The following DSPP variants were observed in gnomAD, a reference collection of about 807,000 sequenced individuals.
The protein encoded by DSPP is deafness, autosomal dominant 39.
DSPP carries 28 observed loss-of-function variants against 29.1 expected under a neutral mutation model. The ratio of observed to expected loss-of-function variants is 0.96; its 90% CI spans 0.71 to 1.32. The LOEUF is 1.32. DSPP is among the 40% of genes most tolerant of loss of function. The pLI is 0.00. For synonymous variants in DSPP, 481 were observed against 503.4 expected (o/e 0.96, Z 0.60); for missense variants, 1,281 against 1,629.9 (o/e 0.79, Z 3.69).
chr4:87,611,150 C>G (rs1056597475), intron 2 of DSPP, among the ~76,000 whole-genome samples, 191 bp downstream of exon 2: 14 of 151,648 alleles, frequency 9.2e-5, no homozygotes, highest in Non-Finnish European at 1.8e-4. Context: ...TAGATTTGCA[C>G]TAAGGGCTTT....
rs2627699 is a variant in DSPP at position 87,610,648 on chromosome 4, C to T, written c.-28-233C>T. On this transcript the variant is annotated intron_variant, in intron 1 of 4. Transcript: ENST00000651931. Reference sequence around the variant, plus strand: ...GCTATGCCCTTTGTACCTATTATGGCGTTTTCCTTCATTGGCACAGGCAGA... The same window carrying T: ...GCTATGCCCTTTGTACCTATTATGGTGTTTTCCTTCATTGGCACAGGCAGA... Among the ~76,000 whole-genome samples the T allele has an allele frequency of 0.27, 40,575 of 151,986 alleles. 6,145 individuals are homozygous for T. Among genetic ancestry groups the T allele is most frequent in the East Asian group, 0.57 (2,938 of 5,160 alleles).
Position 87,616,493 on chromosome 4 carries a change from C to T in DSPP, c.3831C>T (p.Asn1277=), listed in dbSNP as rs549178538. The T allele has an allele frequency of 1.3e-5, 20 of 1,551,732 alleles. No homozygotes were observed. The highest frequency in any genetic ancestry group is 3.3e-4 in the Middle Eastern group (2 of 5,992). Residue 1277 remains asparagine, a synonymous_variant, in exon 5 of 5, where the codon AAC becomes AAT. Coordinates refer to ENST00000651931, the MANE Select transcript of DSPP (RefSeq NM_014208.3). ...DESDSQSKSG[N]GNNNGSDSDS... ...GTGACAGCCAGAGCAAGTCTGGTAACGGTAACAACAATGGAAGTGACAGTG... is the reference window on the plus strand; with the variant it reads ...GTGACAGCCAGAGCAAGTCTGGTAATGGTAACAACAATGGAAGTGACAGTG...
At position 87,615,075 on chromosome 4, in the gene DSPP, A is replaced by G. The variant is rs531760815; in HGVS notation, c.2413A>G (p.Asn805Asp). 99 of 1,550,048 alleles carry G rather than the reference A, an allele frequency of 6.4e-5. 1 individual carries two copies. The highest frequency in any genetic ancestry group is 3.4e-4 in the Middle Eastern group (2 of 5,964). ...TAGCAGCAACAGCAGTGATAGCAGC[A>G]ACAGCAGTGATAGCAGTGATAGCAG... ...SDSSNSSDSS[N>D]SSDSSDSSDS... is the part of the protein sequence containing the mutation. The change falls in exon 5 of 5, where the codon AAC becomes GAC. Residue 805 changes from asparagine (N) to aspartate (D), a missense_variant. By Grantham distance (23) the Asn-to-Asp change is conservative. Coordinates refer to ENST00000651931, the MANE Select transcript of DSPP (RefSeq NM_014208.3).
At chr4:87,611,516 T>G (rs1335743614) in intron 2 of DSPP, among the ~76,000 whole-genome samples, 1 of 152,040 alleles carries the variant, frequency 6.6e-6, no homozygotes, top group Non-Finnish European at 1.5e-5. Context: ...ATTGAGAAAA[T>G]TCAACCATTT....
Position 87,613,166 on chromosome 4 carries a change from A to C in DSPP, c.980A>C (p.Glu327Ala). 2 of 1,614,168 alleles carry C rather than the reference A, an allele frequency of 1.2e-6. No individual in the cohort carries two copies. The highest frequency in any genetic ancestry group is 1.7e-6 in the Non-Finnish European group (2 of 1,180,032). ...GGAGACAAGACCTCCAAGAGTGAGGAGAATTCTGCTGGTATTCCAGAAGAC... is the reference window on the plus strand; with the variant it reads ...GGAGACAAGACCTCCAAGAGTGAGGCGAATTCTGCTGGTATTCCAGAAGAC... ...VDGDKTSKSE[E>A]NSAGIPEDNG... The change falls in exon 4 of 5, where the codon GAG (glutamate) becomes GCG (alanine). Residue 327 changes from glutamate (E) to alanine (A), a missense_variant. By Grantham distance (107) the Glu-to-Ala change is moderately radical (BLOSUM62 -1). Coordinates refer to ENST00000651931, the MANE Select transcript of DSPP (RefSeq NM_014208.3).
intron 4 of DSPP, 83 bp from the exon 5 acceptor site, chr4:87,613,702 T>G: frequency 1.3e-6 from 2 of 1,596,838 alleles, no homozygotes; most frequent in Non-Finnish European, 1.7e-6. Flanking sequence ...ATGGCAACTT[T>G]TCCCAGTTAT....
rs1476610450 is a variant in DSPP at position 87,614,519 on chromosome 4, C to G, written c.1857C>G (p.Ser619Arg). Residue 619 changes from serine (S) to arginine (R), a missense_variant, in exon 5 of 5, where the codon AGC becomes AGG. Physicochemically the swap from Ser to Arg is moderately radical, Grantham distance 110. Coordinates refer to ENST00000651931, the MANE Select transcript of DSPP (RefSeq NM_014208.3). ...GTGACAGTAGTGATAGTAGTGACAG[C>G]AGTGACAGCAAGTCAGACAGCAGCA... ...DSSDSSDSSD[S>R]SDSKSDSSKS... 6.4e-7 allele frequency: 1 copy of G among 1,551,336 alleles called. No homozygotes were observed. The highest frequency in any genetic ancestry group is 8.7e-7 in the Non-Finnish European group (1 of 1,146,874).
Position 87,614,130 on chromosome 4 carries a change from G to A in DSPP, c.1468G>A (p.Asp490Asn). 2 of 1,614,216 alleles carry A rather than the reference G, an allele frequency of 1.2e-6. No individual in the cohort carries two copies. Among genetic ancestry groups the A allele is most frequent in the Non-Finnish European group, 1.7e-6 (2 of 1,180,050 alleles). The change falls in exon 5 of 5, where the codon GAT becomes AAT. Residue 490 changes from aspartate (D) to asparagine (N), a missense_variant. Around this residue, in one of 4 missense-constraint regions of DSPP, gnomAD observed 631 missense variants for 643.2 expected, o/e 0.98. Coordinates refer to ENST00000651931, the MANE Select transcript of DSPP (RefSeq NM_014208.3). ...TGACAATAACAGCAGTAGCCGAGGA[G>A]ATGCTTCTTATAACTCTGATGAATC... is the stretch of plus-strand genomic sequence containing the variant. ...ESDNNSSSRG[D>N]ASYNSDESKD...
At chr4:87,611,881 G>A (rs535581202) in intron 2 of DSPP, among the ~76,000 whole-genome samples, 3 of 152,296 alleles carry the variant, frequency 2.0e-5, no homozygotes, top group Non-Finnish European at 4.4e-5. Flanking sequence ...TAATACCACA[G>A]TGAAAAATAT....
At chr4:87,610,519 C>A (rs1727714051) in intron 1 of DSPP, among the ~76,000 whole-genome samples, 1 of 152,158 alleles carries the variant, frequency 6.6e-6, no homozygotes, top group South Asian at 2.1e-4. Context: ...AGTGTTTTAC[C>A]TTTGAAGCAC....
chr4:87,612,038 TGTGC>T (rs1483834789), intron 2 of DSPP, 63 bp from the exon 3 acceptor site: 17 of 1,076,250 alleles, frequency 1.6e-5, no homozygotes, highest in Non-Finnish European at 1.8e-5. Context: ...TGTGTGTGTG[TGTGC>T]ACGCTCACAC....
Position 87,614,825 on chromosome 4 carries a change from TAACAGCAGCGATAGTGACAGCAGC to T in DSPP, c.2178_2201del (p.Asp727_Ser734del), listed in dbSNP as rs1453991101. 1.9e-6 allele frequency: 3 copies of T among 1,549,472 alleles called. No homozygotes were observed. Among genetic ancestry groups the T allele is most frequent in the African/African-American group, 1.4e-5 (1 of 72,196 alleles). On this transcript the variant is annotated inframe_deletion, in exon 5 of 5. Coordinates refer to ENST00000651931, the MANE Select transcript of DSPP (RefSeq NM_014208.3). Reference sequence around the variant, plus strand: ...GTGATAGTAGTGACAGCAGTAATAGTAACAGCAGCGATAGTGACAGCAGCAACAGCAGCGATAGCAGTGACAGCA... The same window carrying T: ...GTGATAGTAGTGACAGCAGTAATAGTAACAGCAGCGATAGCAGTGACAGCA...
At chr4:87,611,166 A>T (rs1259316188) in intron 2 of DSPP, among the ~76,000 whole-genome samples, 8 of 151,852 alleles carry the variant, frequency 5.3e-5, no homozygotes, top group Admixed American at 5.3e-4. Context: ...GCTTTATGTG[A>T]TATCTGTGAG....
Position 87,616,702 on chromosome 4 carries a change from C to T in DSPP, c.*134C>T. 7.0e-7 allele frequency: 1 copy of T among 1,431,130 alleles called. No homozygotes were observed. Among genetic ancestry groups the T allele is most frequent in the Admixed American group, 2.1e-5 (1 of 48,472 alleles). The allele number at this position is 1,431,130 out of a possible 1,614,324, so 88.7% of individuals were successfully genotyped here. ...TGTAAACAAAAACAACTGGGGGAAT[C>T]AAATCAAACAGTTGGATTCAGAACC... is the stretch of plus-strand genomic sequence containing the variant. On this transcript the variant is annotated 3_prime_UTR_variant, in exon 5 of 5. Transcript: ENST00000651931.
At position 87,612,577 on chromosome 4, in the gene DSPP, A is replaced by C. The variant is rs773901862; in HGVS notation, c.391A>C (p.Ile131Leu). ...HDGIHGKEENITANGIQGQVS... is the reference protein window; with the variant it reads ...HDGIHGKEENLTANGIQGQVS... ...TGGAATACATGGGAAAGAAGAAAACATCACAGCAAATGGCATCCAGGGACA... is the reference window on the plus strand; with the variant it reads ...TGGAATACATGGGAAAGAAGAAAACCTCACAGCAAATGGCATCCAGGGACA... The change falls in exon 4 of 5, where the codon ATC (isoleucine) becomes CTC (leucine). Residue 131 changes from isoleucine to leucine, a missense_variant. Physicochemically the swap from Ile to Leu is conservative, Grantham distance 5. Transcript: ENST00000651931. 2.5e-6 allele frequency: 4 copies of C among 1,614,186 alleles called. No individual in the cohort carries two copies. Among genetic ancestry groups the C allele is most frequent in the Non-Finnish European group, 3.4e-6 (4 of 1,180,010 alleles).
In DSPP at chr4:87,615,869, CAGTGACAGCAGT is replaced by C. The variant is rs1727897803; in HGVS notation, c.3208_3219del (p.Ser1070_Ser1073del). ...GTGACAGCAGCGACAGCAGTGATAG[CAGTGACAGCAGT>C]GACAGCAGCGACAGCAGTGATAGCA... On this transcript the variant is annotated inframe_deletion, in exon 5 of 5. Coordinates refer to ENST00000651931, the MANE Select transcript of DSPP (RefSeq NM_014208.3). The C allele has an allele frequency of 6.5e-7, 1 of 1,543,062 alleles. No homozygotes were observed. The highest frequency in any genetic ancestry group is 1.4e-5 in the African/African-American group (1 of 70,092).
At chr4:87,613,343 T>G (rs1560478065) in intron 4 of DSPP, 35 bp downstream of exon 4, 1 of 1,608,234 alleles carries the variant, frequency 6.2e-7, no homozygotes, top group Non-Finnish European at 8.5e-7. Flanking sequence ...TCAATGGCAG[T>G]TTAAATTCTT....
chr4:87,614,413 A>G lies in DSPP; in HGVS notation c.1751A>G (p.Asp584Gly), dbSNP rs1013092586. Residue 584 changes from aspartate (D) to glycine (G), a missense_variant, in exon 5 of 5, where the codon GAC becomes GGC. This residue lies in a region of DSPP where 444 missense variants were observed against 611.4 expected (regional missense o/e 0.73). Coordinates refer to ENST00000651931, the MANE Select transcript of DSPP (RefSeq NM_014208.3). Reference sequence around the variant, plus strand: ...AGTAGCAGTGATAGTGACAGCAGTGACAGTGACAGCAGTGATAGCAGTGAC... The same window carrying G: ...AGTAGCAGTGATAGTGACAGCAGTGGCAGTGACAGCAGTGATAGCAGTGAC... ...SNSSSDSDSS[D>G]SDSSDSSDSD... The G allele has an allele frequency of 6.4e-7, 1 of 1,560,898 alleles. No individual in the cohort carries two copies. The highest frequency in any genetic ancestry group is 8.7e-7 in the Non-Finnish European group (1 of 1,152,930).
chr4:87,612,162 C>T lies in DSPP; in HGVS notation c.109C>T (p.Leu37=), dbSNP rs1727747027. The change falls in exon 3 of 5, where the codon CTA becomes TTA. Residue 37 remains leucine, a synonymous_variant. Coordinates refer to ENST00000651931, the MANE Select transcript of DSPP (RefSeq NM_014208.3). ...HVEKSMNLHL[L]ARSNVSVQDE... ...CGAAAAATCCATGAATTTGCATCTC[C>T]TAGCAAGATCAAATGTGTCAGTACA... The T allele has an allele frequency of 6.2e-7, 1 of 1,613,894 alleles. No homozygotes were observed. Among genetic ancestry groups the T allele is most frequent in the South Asian group, 1.1e-5 (1 of 91,074 alleles).
Sources: gnomAD v4.1 joint callset for allele counts (sites outside exome capture counted in the v4.1 genomes callset) on GRCh38, gnomAD v4.1.1 for gene constraint, gnomAD v4.1.1 regional missense constraint, MANE v1.5 for transcripts, NCBI Gene and HGNC (gene_info 2026-07-23, HGNC 2026-07-21) for gene names.